Variants in GPR179 observed in about 807,000 individuals in gnomAD.
GPR179 encodes probable G protein-coupled receptor 179.
GPR179 carries 52 observed loss-of-function variants against 70.8 expected under a neutral mutation model. The ratio of observed to expected loss-of-function variants is 0.73; its 90% CI spans 0.59 to 0.93. The LOEUF (loss-of-function observed/expected upper bound fraction) is 0.93. GPR179 is among the 40% of genes least tolerant of loss of function. The pLI is 0.00. For missense variants in GPR179, 2,734 were observed against 2,966.8 expected (o/e 0.92, Z 1.82); for synonymous variants, 1,123 against 1,169.0 (o/e 0.96, Z 0.80).
chr17:38,325,072 A>C lies in GPR179; in HGVS notation c.*1393T>G, dbSNP rs2037273092. ...ACTGCCATCTTTAGTGCCCCTGTGC[A>C]GCTCTGCCTTCTCTAGCTGCCCCTT... On this transcript the variant is annotated 3_prime_UTR_variant, in exon 11 of 11. Transcript: ENST00000616987. Among the ~76,000 whole-genome samples, 1 of 151,930 alleles carries C rather than the reference A, an allele frequency of 6.6e-6. No individual in the cohort carries two copies. The highest frequency in any genetic ancestry group is 1.5e-5 in the Non-Finnish European group (1 of 67,962).
chr17:38,327,691 A>G lies in GPR179; in HGVS notation c.5878T>C (p.Trp1960Arg), dbSNP rs2144255681. The stretch of plus-strand genomic sequence containing the variant: ...GAATCTGCTGGGGCAGTGGTCTCCC[A>G]TGGACAGACGGATTGTAGCTCATGG... ...TSHELQSVCPWETTAPADSVS... is the reference protein window; with the variant it reads ...TSHELQSVCPRETTAPADSVS... Residue 1960 changes from tryptophan (W) to arginine (R), a missense_variant, in exon 11 of 11, where the codon TGG (tryptophan) becomes CGG (arginine). Physicochemically the swap from Trp to Arg is moderately radical, Grantham distance 101. Transcript: ENST00000616987. 1.2e-6 allele frequency: 2 copies of G among 1,614,214 alleles called. No individual in the cohort carries two copies. Among genetic ancestry groups the G allele is most frequent in the Non-Finnish European group, 1.7e-6 (2 of 1,180,034 alleles).
rs374701592 is a variant in GPR179 at position 38,343,059 on chromosome 17, C to A, written c.731G>T (p.Gly244Val). The stretch of plus-strand genomic sequence containing the variant: ...GGTGGCAGAGAGTGTGATCAGCCAT[C>A]CAGGTCGGAGCCGTCCCTCCTGGCA... ...LECQEGRLRP[G>V]WLITLSATFY... is the part of the protein sequence containing the mutation. Residue 244 changes from glycine (G) to valine (V), a missense_variant, in exon 1 of 11, where the codon GGA becomes GTA. Coordinates refer to ENST00000616987, the MANE Select transcript of GPR179 (RefSeq NM_001004334.4). The surrounding 1 kb of genome is among the most constrained non-coding windows in gnomAD (Gnocchi z 4.2). 1 of 1,613,954 alleles carries A rather than the reference C, an allele frequency of 6.2e-7. No individual in the cohort carries two copies. Among genetic ancestry groups the A allele is most frequent in the Non-Finnish European group, 8.5e-7 (1 of 1,179,888 alleles).
In GPR179 at chr17:38,328,345, C is replaced by T. The variant is rs374012094; in HGVS notation, c.5224G>A (p.Glu1742Lys). 1.9e-6 allele frequency: 3 copies of T among 1,614,040 alleles called. No individual in the cohort carries two copies. The highest frequency in any genetic ancestry group is 2.2e-5 in the East Asian group (1 of 44,876). ...TTCTCTGGAGCAGTAACAGCTCTCT[C>T]CCTGGGTCCAAGATCTGCAGAAACC... is the stretch of plus-strand genomic sequence containing the variant. The part of the protein sequence containing the change: ...GKVSADLGPR[E>K]RAVTAPEKPQ... Residue 1742 changes from glutamate (E) to lysine (K), a missense_variant, in exon 11 of 11, where the codon GAG (glutamate) becomes AAG (lysine). Glu to Lys is a moderately conservative substitution (Grantham distance 56). Coordinates refer to ENST00000616987, the MANE Select transcript of GPR179 (RefSeq NM_001004334.4).
In GPR179 at chr17:38,327,197, A is replaced by G. The variant is rs2037296020; in HGVS notation, c.6372T>C (p.Ser2124=). 2 of 1,614,198 alleles carry G rather than the reference A, an allele frequency of 1.2e-6. No individual in the cohort carries two copies. The highest frequency in any genetic ancestry group is 1.7e-6 in the Non-Finnish European group (2 of 1,180,036). The change falls in exon 11 of 11, where the codon TCT becomes TCC. Residue 2124 remains serine (S), a synonymous_variant. Transcript: ENST00000616987. ...VCLWEVVEAP[S]AKKAEICPWE... ...AAGGGCAGATCTCTGCTTTCTTGGC[A>G]GAGGGAGCCTCTACCACTTCCCACA...
intron 2 of GPR179, among the ~76,000 whole-genome samples, chr17:38,338,622 C>T (rs756537533): frequency 1.1e-4 from 16 of 152,226 alleles, no homozygotes; most frequent in Non-Finnish European, 1.3e-4. Context: ...ATCCCTCCAC[C>T]TCTAGCTGCA....
chr17:38,342,888 C>A, intron 1 of GPR179, 108 bp downstream of exon 1: 2 of 1,067,254 alleles, frequency 1.9e-6, no homozygotes, highest in South Asian at 3.0e-5. Context: ...GTGTGCCCCC[C>A]AGGCATGCAC....
In GPR179 at chr17:38,331,251, C is replaced by T. The variant is rs1398061083; in HGVS notation, c.2318G>A (p.Ser773Asn). 6.3e-7 allele frequency: 1 copy of T among 1,588,626 alleles called. No homozygotes were observed. The change falls in exon 11 of 11, where the codon AGC (serine) becomes AAC (asparagine). Residue 773 changes from serine (S) to asparagine (N), a missense_variant. Transcript: ENST00000616987. Reference sequence around the variant, plus strand: ...CTGCTCCCTGCGCTGGTCATAGGTGCTGCGGGACTTGTGCAGAGCTGGTGT... The same window carrying T: ...CTGCTCCCTGCGCTGGTCATAGGTGTTGCGGGACTTGTGCAGAGCTGGTGT... Reference protein sequence around the residue: ...EGTPALHKSRSTYDQRREQDP... With the variant: ...EGTPALHKSRNTYDQRREQDP...
chr17:38,340,902 G>A (rs2037444080), intron 1 of GPR179, among the ~76,000 whole-genome samples: 4 of 152,158 alleles, frequency 2.6e-5, no homozygotes, highest in Admixed American at 1.3e-4. Flanking sequence ...TAGTGACAGA[G>A]CAAGAGTCCA....
Position 38,330,080 on chromosome 17 carries a change from C to A in GPR179, c.3489G>T (p.Arg1163Ser), listed in dbSNP as rs1358666741. The A allele has an allele frequency of 6.2e-7, 1 of 1,613,988 alleles. No individual in the cohort carries two copies. The highest frequency in any genetic ancestry group is 1.1e-5 in the South Asian group (1 of 91,060). The change falls in exon 11 of 11, where the codon AGG (arginine) becomes AGT (serine). Residue 1163 changes from arginine to serine, a missense_variant. Coordinates refer to ENST00000616987, the MANE Select transcript of GPR179 (RefSeq NM_001004334.4). ...LQNQQNAHTS[R>S]MLQVCQREGS... ...CCTCCCGTTGACAGACTTGGAGCAT[C>A]CTGCTGGTGTGAGCGTTCTGTTGGT...
chr17:38,329,488 G>C lies in GPR179; in HGVS notation c.4081C>G (p.Pro1361Ala), dbSNP rs1471292987. 9.3e-6 allele frequency: 15 copies of C among 1,613,914 alleles called. No homozygotes were observed. Among genetic ancestry groups the C allele is most frequent in the Admixed American group, 1.7e-5 (1 of 59,996 alleles). ...DSVEARKVEK[P>A]GWEAAGPEAH... ...TCTGGGCCAGCAGCTTCCCACCCAG[G>C]CTTCTCCACCTTCCTGGCCTCCACA... is the stretch of plus-strand genomic sequence containing the variant. Residue 1361 changes from proline to alanine, a missense_variant, in exon 11 of 11, where the codon CCT becomes GCT. Pro to Ala is a conservative substitution (Grantham distance 27). Transcript: ENST00000616987.
At position 38,327,785 on chromosome 17, in the gene GPR179, G is replaced by A. The variant is rs1283603789; in HGVS notation, c.5784C>T (p.His1928=). ...CAGCTGGAGCTTTTTCTTGGGTTATGTGTTCTGGGAAGGAACCTGTCTTTG... is the reference window on the plus strand; with the variant it reads ...CAGCTGGAGCTTTTTCTTGGGTTATATGTTCTGGGAAGGAACCTGTCTTTG... The part of the protein sequence containing the change: ...QDPKTGSFPE[H]ITQEKAPAAD... The change falls in exon 11 of 11, where the codon CAC becomes CAT. Residue 1928 remains histidine, a synonymous_variant. Transcript: ENST00000616987. 6.2e-7 allele frequency: 1 copy of A among 1,614,030 alleles called. No individual in the cohort carries two copies. The highest frequency in any genetic ancestry group is 2.2e-5 in the East Asian group (1 of 44,890).
intron 4 of GPR179, 144 bp from the exon 5 acceptor site, chr17:38,336,288 G>T: frequency 1.5e-6 from 1 of 677,418 alleles, no homozygotes; most frequent in Non-Finnish European, 2.7e-6. Context: ...CCACATCCAC[G>T]TCCCTTGTTA....
rs2037318379 is a variant in GPR179, at chr17:38,328,771, T to C, written c.4798A>G (p.Arg1600Gly). The C allele has an allele frequency of 1.2e-6, 2 of 1,610,978 alleles. No homozygotes were observed. The highest frequency in any genetic ancestry group is 2.2e-5 in the East Asian group (1 of 44,718). Residue 1600 changes from arginine (R) to glycine (G), a missense_variant, in exon 11 of 11, where the codon AGA becomes GGA. Arg to Gly is a moderately radical substitution (Grantham distance 125). Transcript: ENST00000616987. The part of the protein sequence containing the change: ...TEICPWEVNE[R>G]TREEWTSAQV... ...GCTGATGTCCATTCCTCTCTTGTTC[T>C]TTCATTTACCTCCCAGGGACAGATT...
intron 1 of GPR179, among the ~76,000 whole-genome samples, chr17:38,342,172 C>T (rs1392776577): frequency 1.3e-5 from 2 of 151,938 alleles, no homozygotes; most frequent in Non-Finnish European, 2.9e-5. Flanking sequence ...CTCTCAGTTG[C>T]TAGAGAGCAG....
Position 38,343,511 on chromosome 17 carries a change from T to TG in GPR179, c.278dup (p.Ser94LysfsTer27), listed in dbSNP as rs794726685. On this transcript the variant is annotated frameshift_variant, in exon 1 of 11. Transcript: ENST00000616987. LOFTEE classifies it high-confidence loss of function. The surrounding 1 kb of genome is among the most constrained non-coding windows in gnomAD (Gnocchi z 4.2). ...GGGTGCCCGCTGCCCCCTGTAGGCT[T>TG]GGGGGGAGCCCTGGCATGGCTCCTG... 6 of 1,613,644 alleles carry TG rather than the reference T, an allele frequency of 3.7e-6. No homozygotes were observed. The highest frequency in any genetic ancestry group is 1.6e-4 in the Middle Eastern group (1 of 6,084).
chr17:38,329,514 C>G lies in GPR179; in HGVS notation c.4055G>C (p.Ser1352Thr). 6.2e-7 allele frequency: 1 copy of G among 1,614,128 alleles called. No homozygotes were observed. The change falls in exon 11 of 11, where the codon AGT (serine) becomes ACT (threonine). Residue 1352 changes from serine to threonine, a missense_variant. Ser to Thr is a moderately conservative substitution (Grantham distance 58). Coordinates refer to ENST00000616987, the MANE Select transcript of GPR179 (RefSeq NM_001004334.4). ...CTTCTCCACCTTCCTGGCCTCCACA[C>G]TGTCCCCCGCCTCAGATTTGTCTCT... ...RIRDKSEAGD[S>T]VEARKVEKPG... is the part of the protein sequence containing the mutation.
At chr17:38,339,621 A>C (rs940023623) in intron 1 of GPR179, 96 bp from the exon 2 acceptor site, 15 of 832,498 alleles carry the variant, frequency 1.8e-5, no homozygotes, top group Non-Finnish European at 2.9e-5. Flanking sequence ...TGATGCTCGG[A>C]ATTATGGCAC....
intron 5 of GPR179, 81 bp downstream of exon 5, chr17:38,335,994 AG>A (rs2144271386): frequency 1.0e-6 from 1 of 973,306 alleles, no homozygotes; most frequent in African/African-American, 1.6e-5. Context: ...AGGGCAGAGA[AG>A]GGTTCTGGGG....
At position 38,333,116 on chromosome 17, in the gene GPR179, T is replaced by C. The variant is rs1476133775; in HGVS notation, c.2037+135A>G. 4 of 740,898 alleles carry C rather than the reference T, an allele frequency of 5.4e-6. No individual in the cohort carries two copies. The Admixed American group carries it at 1.0e-4, about 19-fold the overall frequency. The allele number at this position is 740,898 out of a possible 1,614,324, so 45.9% of individuals were successfully genotyped here. ...AGTCAGGGGAATCAGTTTAGGCCAG[T>C]GGAGAAGGGAGAGGGCAGGTCTTGG... On this transcript the variant is annotated intron_variant, in intron 10 of 10. Coordinates refer to ENST00000616987, the MANE Select transcript of GPR179 (RefSeq NM_001004334.4).
Sources: gnomAD v4.1 joint callset for allele counts (sites outside exome capture counted in the v4.1 genomes callset) on GRCh38, gnomAD v4.1.1 for gene constraint, Gnocchi (gnomAD v3.1) non-coding constraint, MANE v1.5 for transcripts, NCBI Gene and HGNC (gene_info 2026-07-23, HGNC 2026-07-21) for gene names.